TMEM229B: variants seen among roughly 807,000 people sequenced by gnomAD.
TMEM229B encodes the protein chromosome 14 open reading frame 83.
Under a neutral mutation model 13.7 loss-of-function variants are expected in TMEM229B, and 6 were observed. The ratio of observed to expected loss-of-function variants is 0.44; its 90% CI spans 0.24 to 0.86. The LOEUF (loss-of-function observed/expected upper bound fraction) is 0.86, where lower values mean the gene tolerates loss of function less well. Ranked by LOEUF, TMEM229B falls within the 40% of genes least tolerant of loss-of-function variation. The pLI is 0.23. For missense variants in TMEM229B, 170 were observed against 236.0 expected (o/e 0.72, Z 1.83); for synonymous variants, 107 against 102.1 (o/e 1.05, Z -0.29).
intron 1 of TMEM229B, among the ~76,000 whole-genome samples, chr14:67,510,731 G>C (rs571125723): frequency 2.0e-4 from 30 of 152,282 alleles, no homozygotes; most frequent in African/African-American, 6.3e-4. Context: ...GGGAACAAGG[G>C]GAAGAGAGAT....
intron 1 of TMEM229B, among the ~76,000 whole-genome samples, chr14:67,514,170 G>C (rs1321093704): frequency 2.0e-5 from 3 of 152,154 alleles, no homozygotes; most frequent in Non-Finnish European, 4.4e-5. Flanking sequence ...GGAGAGCCTT[G>C]AGCAGTGCCC....
chr14:67,490,673 C>T (rs532851574), upstream of TMEM229B, among the ~76,000 whole-genome samples: 5 of 152,208 alleles, frequency 3.3e-5, no homozygotes, highest in African/African-American at 1.2e-4. Flanking sequence ...CTGACCAGAA[C>T]CTAAAAATCA....
At chr14:67,477,248 T>G (rs998050318) in intron 2 of TMEM229B, among the ~76,000 whole-genome samples, 2 of 152,218 alleles carry the variant, frequency 1.3e-5, no homozygotes, top group Non-Finnish European at 2.9e-5. Context: ...TCAAGATTCT[T>G]CATGACCTTG....
At chr14:67,513,643 C>T (rs1029277945) in intron 1 of TMEM229B, among the ~76,000 whole-genome samples, 7 of 152,348 alleles carry the variant, frequency 4.6e-5, no homozygotes, top group Admixed American at 4.6e-4. Flanking sequence ...AGTGTCCTGA[C>T]AGGCCCACCC....
Position 67,473,651 on chromosome 14 carries a change from G to A in TMEM229B, c.273C>T (p.Thr91=), listed in dbSNP as rs746853746. The change falls in exon 3 of 3, where the codon ACC becomes ACT. Residue 91 remains threonine, a synonymous_variant. Transcript: ENST00000554480. The surrounding 1 kb of genome is among the most constrained non-coding windows in gnomAD (Gnocchi z 6.5). The part of the protein sequence containing the change: ...TLWTYLWEFT[T]GFILRQFNAC... ...CGTTGAACTGGCGCAGGATGAAGCC[G>A]GTGGTGAACTCCCACAGGTAGGTCC... The A allele has an allele frequency of 3.8e-6, 6 of 1,579,804 alleles. No homozygotes were observed. The African/African-American group carries it at 4.0e-5, about 11-fold the overall frequency.
At chr14:67,502,709 C>T (rs1296462308) in intron 1 of TMEM229B, among the ~76,000 whole-genome samples, 1 of 152,046 alleles carries the variant, frequency 6.6e-6, no homozygotes, top group Non-Finnish European at 1.5e-5. Flanking sequence ...ACCATGGCCT[C>T]CCAAAGTGCT....
intron 1 of TMEM229B, among the ~76,000 whole-genome samples, chr14:67,499,131 T>C (rs1368655058): frequency 6.6e-6 from 1 of 152,116 alleles, no homozygotes; most frequent in South Asian, 2.1e-4. Context: ...GCCTCCTAAG[T>C]AGCTAGGACT....
chr14:67,509,080 A>G (rs2032939027), intron 1 of TMEM229B, among the ~76,000 whole-genome samples: 2 of 152,128 alleles, frequency 1.3e-5, no homozygotes, highest in Admixed American at 1.3e-4. Flanking sequence ...AATGTTGCCC[A>G]AACAGACCGT....
At chr14:67,510,444 C>T (rs1330098179) in intron 1 of TMEM229B, among the ~76,000 whole-genome samples, 1 of 152,172 alleles carries the variant, frequency 6.6e-6, no homozygotes. Context: ...CCAAGTACCA[C>T]AGCTGGTGAT....
At chr14:67,480,070 C>T (rs945237108) in intron 2 of TMEM229B, among the ~76,000 whole-genome samples, 14 of 152,216 alleles carry the variant, frequency 9.2e-5, no homozygotes, top group African/African-American at 3.1e-4. Context: ...CCACAGAAGG[C>T]TGTTGTGAGG....
chr14:67,504,745 C>G (rs1403603333), intron 1 of TMEM229B, among the ~76,000 whole-genome samples: 1 of 151,998 alleles, frequency 6.6e-6, no homozygotes, highest in African/African-American at 2.4e-5. Flanking sequence ...ATTATCTGGG[C>G]GTGGTGGCGG....
intron 1 of TMEM229B, among the ~76,000 whole-genome samples, chr14:67,511,710 G>T (rs371624935): frequency 6.6e-6 from 1 of 152,164 alleles, no homozygotes; most frequent in Admixed American, 6.6e-5. Context: ...AGGAGCAGGG[G>T]GCCAGCATCA....
At chr14:67,522,424 G>T (rs1025833767) in intron 1 of TMEM229B, among the ~76,000 whole-genome samples, 1 of 152,276 alleles carries the variant, frequency 6.6e-6, no homozygotes, top group South Asian at 2.1e-4. Context: ...TCTGAGGGGG[G>T]ACAAAGGAGT....
At position 67,471,771 on chromosome 14, in the gene TMEM229B, A is replaced by ACCCT. The variant is rs1423389600; in HGVS notation, c.*1645_*1648dup. On this transcript the variant is annotated 3_prime_UTR_variant, in exon 3 of 3. Transcript: ENST00000554480. ...CCCACCACACCCTGCACCCCACCAC[A>ACCCT]CCCTGCACAGTATGGGCAGGGCAGC... The ACCCT allele has an allele frequency of 6.6e-6, 1 of 152,056 alleles. No individual in the cohort carries two copies. Among genetic ancestry groups the ACCCT allele is most frequent in the Non-Finnish European group, 1.5e-5 (1 of 68,074 alleles). The allele number at this position is 152,056 out of a possible 1,614,324, so 9.4% of individuals were successfully genotyped here.
At chr14:67,480,866 G>A (rs892825552) in intron 2 of TMEM229B, among the ~76,000 whole-genome samples, 6 of 152,144 alleles carry the variant, frequency 3.9e-5, no homozygotes, top group Non-Finnish European at 2.9e-5. Flanking sequence ...GGTAACAGAC[G>A]GGAGGGTCCA....
At chr14:67,521,459 T>C (rs2033289807) in intron 1 of TMEM229B, among the ~76,000 whole-genome samples, 1 of 152,228 alleles carries the variant, frequency 6.6e-6, no homozygotes, top group Non-Finnish European at 1.5e-5. Context: ...GGTATCCATA[T>C]GTCCATGTGG....
chr14:67,512,727 C>T (rs2033069924), intron 1 of TMEM229B, among the ~76,000 whole-genome samples: 2 of 152,108 alleles, frequency 1.3e-5, no homozygotes, highest in African/African-American at 2.4e-5. Flanking sequence ...CGGAGACCCT[C>T]CTCAGAAACT....
At chr14:67,492,006 G>T (rs1566685632), upstream of TMEM229B, among the ~76,000 whole-genome samples, 2 of 152,064 alleles carry the variant, frequency 1.3e-5, no homozygotes, top group South Asian at 4.1e-4. Context: ...AAGCTGCATT[G>T]CCCCACCTGC....
chr14:67,527,862 AC>A (rs1160546260), intron 1 of TMEM229B, among the ~76,000 whole-genome samples: 1 of 152,042 alleles, frequency 6.6e-6, no homozygotes, highest in African/African-American at 2.4e-5. Flanking sequence ...TGCATGTAGG[AC>A]CCCACCCCAG....
Sources: gnomAD v4.1 joint callset for allele counts (sites outside exome capture counted in the v4.1 genomes callset) on GRCh38, gnomAD v4.1.1 for gene constraint, Gnocchi (gnomAD v3.1) non-coding constraint, MANE v1.5 for transcripts, NCBI Gene and HGNC (gene_info 2026-07-23, HGNC 2026-07-21) for gene names.